The following CALN1 variants were observed in gnomAD, a reference collection of about 807,000 sequenced individuals.
The protein encoded by CALN1 is calneuron 1, also known as calcium-binding protein 8.
Under a neutral mutation model 30.6 loss-of-function variants are expected in CALN1, and 17 were observed. The observed-to-expected ratio is 0.56, with a 90% confidence interval of 0.38 to 0.83. The LOEUF is 0.83. CALN1 is among the 40% of genes least tolerant of loss of function. The pLI is 0.00. For missense variants in CALN1, 291 were observed against 354.9 expected, an observed-to-expected ratio of 0.82 and a Z score of 1.45; for synonymous variants, 156 against 131.4, an observed-to-expected ratio of 1.19 and a Z score of -1.28.
chr7:72,046,094 C>T (rs1802453181), intron 4 of CALN1, among the ~76,000 whole-genome samples: 1 of 151,580 alleles, frequency 6.6e-6, no homozygotes. Flanking sequence ...AGGAGAATTG[C>T]TTGAGCCCAG....
intron 2 of CALN1, among the ~76,000 whole-genome samples, chr7:72,392,274 G>A (rs1442082888): frequency 6.6e-6 from 1 of 152,208 alleles, no homozygotes; most frequent in African/African-American, 2.4e-5. Flanking sequence ...ACATCTCGGA[G>A]CAGATACAAG....
chr7:71,803,496 G>A (rs1451546847), intron 6 of CALN1, among the ~76,000 whole-genome samples: 1 of 151,652 alleles, frequency 6.6e-6, no homozygotes, highest in African/African-American at 2.4e-5. Flanking sequence ...TCTTTTTTTG[G>A]CAGAGTCTTG....
intron 5 of CALN1, among the ~76,000 whole-genome samples, chr7:71,944,869 T>C (rs1399671589): frequency 6.6e-6 from 1 of 152,112 alleles, no homozygotes; most frequent in African/African-American, 2.4e-5. Flanking sequence ...GAAGAAGAGT[T>C]AGGAGGCAGG....
At chr7:72,065,895 A>G (rs111702980) in intron 4 of CALN1, among the ~76,000 whole-genome samples, 12,401 of 152,068 alleles carry the variant, frequency 0.082, 1,673 homozygotes, top group African/African-American at 0.28. Flanking sequence ...CTCCATCTCA[A>G]AAAAAGAAAA....
intron 3 of CALN1, among the ~76,000 whole-genome samples, chr7:72,276,770 C>T (rs1467443285): frequency 6.6e-6 from 1 of 152,142 alleles, no homozygotes; most frequent in Admixed American, 6.6e-5. Flanking sequence ...GTGCTATGCA[C>T]TTGGACTTCC....
chr7:72,134,827 G>A (rs949338265), intron 3 of CALN1, among the ~76,000 whole-genome samples: 39 of 152,190 alleles, frequency 2.6e-4, no homozygotes, highest in African/African-American at 8.7e-4. Flanking sequence ...AATGCTGTTT[G>A]ACAGCATTTT....
chr7:72,060,583 T>C (rs1402833990), intron 4 of CALN1, among the ~76,000 whole-genome samples: 1 of 152,144 alleles, frequency 6.6e-6, no homozygotes, highest in African/African-American at 2.4e-5. Flanking sequence ...TGTGAGATGG[T>C]TTGGATATTT....
chr7:72,048,041 CTT>C (rs1159186115), intron 4 of CALN1, among the ~76,000 whole-genome samples: 13 of 127,572 alleles, frequency 1.0e-4, no homozygotes, highest in Non-Finnish European at 1.1e-4. Context: ...TCTTCTTCTT[CTT>C]TTTTTTTTTT....
At chr7:72,369,754 C>A (rs150873867) in intron 2 of CALN1, among the ~76,000 whole-genome samples, 45 of 152,232 alleles carry the variant, frequency 3.0e-4, no homozygotes, top group Admixed American at 7.2e-4. Flanking sequence ...CTTTTGTTGT[C>A]TGGCTTCATC....
intron 3 of CALN1, among the ~76,000 whole-genome samples, chr7:72,188,678 T>C (rs532066938): frequency 1.4e-4 from 21 of 151,972 alleles, no homozygotes; most frequent in Non-Finnish European, 3.1e-4. Flanking sequence ...CCAAATACCA[T>C]CCATTCCCCA....
intron 1 of CALN1, among the ~76,000 whole-genome samples, chr7:72,410,255 T>G (rs1256111828): frequency 6.6e-6 from 1 of 152,214 alleles, no homozygotes; most frequent in Non-Finnish European, 1.5e-5. Flanking sequence ...TTATGAGCAA[T>G]GAAGTCTCAT....
chr7:71,807,249 A>T (rs1479209266), intron 6 of CALN1, among the ~76,000 whole-genome samples: 16 of 152,144 alleles, frequency 1.1e-4, no homozygotes. Flanking sequence ...TATGGAAGCA[A>T]AGGGTCTAAG....
intron 3 of CALN1, among the ~76,000 whole-genome samples, chr7:72,111,675 C>T (rs1335205775): frequency 6.6e-6 from 1 of 151,852 alleles, no homozygotes; most frequent in African/African-American, 2.4e-5. Context: ...CTCAAACACC[C>T]AGCCTCAAGC....
In CALN1 at chr7:72,396,617, G is replaced by A. The variant is rs533769146; in HGVS notation, c.119+6634C>T. On this transcript the variant is annotated intron_variant, in intron 2 of 6. Coordinates refer to ENST00000395275, the MANE Select transcript of CALN1 (RefSeq NM_031468.4). The stretch of plus-strand genomic sequence containing the variant: ...TGGTCCTTGGACTTGGGAAAGGACC[G>A]TCCTCTACTATAATGGGCAGAGAGG... 2.1e-4 allele frequency among the ~76,000 whole-genome samples: 32 copies of A among 152,220 alleles called. No homozygotes were observed. In the South Asian group the frequency reaches 5.4e-3, roughly 26 times the overall value.
chr7:72,058,369 G>A (rs1803418337), intron 4 of CALN1, among the ~76,000 whole-genome samples: 1 of 137,874 alleles, frequency 7.3e-6, no homozygotes, highest in Non-Finnish European at 1.5e-5. Flanking sequence ...CCAGGCTGGA[G>A]TGCAGTGGCG....
At chr7:72,252,812 T>C (rs905572522) in intron 3 of CALN1, among the ~76,000 whole-genome samples, 3 of 152,134 alleles carry the variant, frequency 2.0e-5, no homozygotes, top group Non-Finnish European at 4.4e-5. Flanking sequence ...TAATATACTA[T>C]GCCTGCTGCC....
intron 4 of CALN1, among the ~76,000 whole-genome samples, chr7:72,030,900 T>C (rs1169791313): frequency 4.6e-5 from 7 of 152,008 alleles, no homozygotes; most frequent in Non-Finnish European, 8.8e-5. Flanking sequence ...GAGCATGCCA[T>C]CACACTTGGC....
intron 6 of CALN1, among the ~76,000 whole-genome samples, chr7:71,804,546 C>T (rs1219174862): frequency 6.6e-6 from 1 of 152,196 alleles, no homozygotes; most frequent in Non-Finnish European, 1.5e-5. Flanking sequence ...TCACTGGGTG[C>T]CGTGGCTCAT....
At chr7:72,132,792 T>G (rs1484865940) in intron 3 of CALN1, among the ~76,000 whole-genome samples, 1 of 151,894 alleles carries the variant, frequency 6.6e-6, no homozygotes, top group Non-Finnish European at 1.5e-5. Flanking sequence ...ATGTAGCCCA[T>G]CAGAAAAGTT....
Sources: gnomAD v4.1 joint callset for allele counts (sites outside exome capture counted in the v4.1 genomes callset) on GRCh38, gnomAD v4.1.1 for gene constraint, MANE v1.5 for transcripts, NCBI Gene and HGNC (gene_info 2026-07-23, HGNC 2026-07-21) for gene names.